Variants in SUMF1 observed in about 807,000 individuals in gnomAD.
SUMF1 encodes the protein formylglycine-generating enzyme.
In SUMF1, 48 loss-of-function variants were observed where a neutral mutation model predicts 47.6. That is an observed-to-expected ratio of 1.01 (90% CI 0.80 to 1.28). The LOEUF is 1.28. Ranked by LOEUF, SUMF1 falls within the 50% of genes most tolerant of loss-of-function variation. SUMF1 has a pLI of 0.00. For missense variants in SUMF1, 571 were observed against 485.4 expected, an observed-to-expected ratio of 1.18 and a Z score of -1.66; for synonymous variants, 230 against 192.1, an observed-to-expected ratio of 1.20 and a Z score of -1.63.
chr3:4,184,651 ATT>A (rs113449863), intron 8 of SUMF1, among the ~76,000 whole-genome samples: 3,906 of 134,954 alleles, frequency 0.029, 129 homozygotes, highest in African/African-American at 0.092. Flanking sequence ...ATTTCCCTGG[ATT>A]TTTTTTTTTT....
In SUMF1 at chr3:4,123,397, G is replaced by A. The variant is rs75280375; in HGVS notation, c.1015-54652C>T. Among the ~76,000 whole-genome samples the A allele has an allele frequency of 5.5e-3, 832 of 152,258 alleles. 10 individuals are homozygous for A. The highest frequency in any genetic ancestry group is 0.018 in the African/African-American group (735 of 41,526). On this transcript the variant is annotated intron_variant and NMD_transcript_variant, in intron 8 of 12. Coordinates refer to the SUMF1 transcript ENST00000448413. ...ACTTAACAAATATTGATGGAGGTCAGAATGAGAGGGAGTGTCTAGATGGCA... is the reference window on the plus strand; with the variant it reads ...ACTTAACAAATATTGATGGAGGTCAAAATGAGAGGGAGTGTCTAGATGGCA...
chr3:4,180,093 G>A (rs187862695), intron 8 of SUMF1, among the ~76,000 whole-genome samples: 4 of 152,204 alleles, frequency 2.6e-5, no homozygotes, highest in Non-Finnish European at 5.9e-5. Flanking sequence ...TACACTGTTG[G>A]TGGGAGTGTA....
At chr3:4,133,329 A>G (rs1321894857) in intron 8 of SUMF1, among the ~76,000 whole-genome samples, 2 of 152,148 alleles carry the variant, frequency 1.3e-5, no homozygotes, top group Admixed American at 6.5e-5. Context: ...TATTAGGCAT[A>G]ATTATGACCT....
At chr3:4,060,618 A>G (rs368644651) in intron 9 of SUMF1, among the ~76,000 whole-genome samples, 21 of 152,276 alleles carry the variant, frequency 1.4e-4, no homozygotes, top group East Asian at 1.4e-3. Context: ...GATTATTAAC[A>G]CTATGTGGAA....
At position 4,163,509 on chromosome 3, in the gene SUMF1, ATCTT is replaced by A. The variant is rs554303262; in HGVS notation, c.1015-94768_1015-94765del. Among the ~76,000 whole-genome samples, 287 of 106,124 alleles carry A rather than the reference ATCTT, an allele frequency of 2.7e-3. 3 individuals carry two copies. Among genetic ancestry groups the A allele is most frequent in the African/African-American group, 8.5e-3 (266 of 31,324 alleles). 69.6% of individuals were successfully genotyped at this position (106,124 alleles called of 152,430 possible). ...GTATCTCTCAAAGACCTATTACAGG[ATCTT>A]TCTTCTATCTCTTTGTTGATATTCT... On this transcript the variant is annotated intron_variant and NMD_transcript_variant, in intron 8 of 12. Coordinates refer to the SUMF1 transcript ENST00000448413.
chr3:4,312,712 A>T (rs980726439), intron 8 of SUMF1, among the ~76,000 whole-genome samples: 14 of 151,596 alleles, frequency 9.2e-5, no homozygotes, highest in Non-Finnish European at 2.1e-4. Context: ...TTAAAAAAAA[A>T]AAAAAAAAAC....
intron 8 of SUMF1, among the ~76,000 whole-genome samples, chr3:4,278,122 T>G (rs962855405): frequency 6.6e-6 from 1 of 152,048 alleles, no homozygotes; most frequent in African/African-American, 2.4e-5. Flanking sequence ...ACGTTTATTT[T>G]CTTAATATTT....
intron 8 of SUMF1, among the ~76,000 whole-genome samples, chr3:4,324,431 A>G (rs1384166701): frequency 6.6e-6 from 1 of 152,194 alleles, no homozygotes; most frequent in Non-Finnish European, 1.5e-5. Flanking sequence ...GTGACCTATG[A>G]GTTTTCTAAA....
intron 9 of SUMF1, among the ~76,000 whole-genome samples, chr3:4,048,225 C>T (rs553671348): frequency 6.6e-6 from 1 of 152,196 alleles, no homozygotes; most frequent in Admixed American, 6.5e-5. Context: ...CCAGAAAGAC[C>T]CATACTCGCC....
intron 2 of SUMF1, among the ~76,000 whole-genome samples, chr3:4,450,705 T>C (rs769878970): frequency 3.3e-5 from 5 of 152,018 alleles, no homozygotes; most frequent in Non-Finnish European, 7.3e-5. Flanking sequence ...CCTTGTAAGG[T>C]AGAGTGTCAT....
At chr3:4,040,928 GA>G (rs1694897328) in intron 9 of SUMF1, among the ~76,000 whole-genome samples, 1 of 152,210 alleles carries the variant, frequency 6.6e-6, no homozygotes, top group South Asian at 2.1e-4. Flanking sequence ...AGCAAAGCCA[GA>G]ACTATGTTAG....
chr3:4,280,172 C>T (rs1697498267), intron 8 of SUMF1, among the ~76,000 whole-genome samples: 1 of 152,106 alleles, frequency 6.6e-6, no homozygotes, highest in African/African-American at 2.4e-5. Context: ...GTATACATAT[C>T]TTAAAGCATC....
chr3:4,105,392 A>C (rs1425579405), intron 8 of SUMF1, among the ~76,000 whole-genome samples: 1 of 152,152 alleles, frequency 6.6e-6, no homozygotes, highest in Non-Finnish European at 1.5e-5. Flanking sequence ...ACAAAACTTA[A>C]GTTTTCTGCA....
intron 1 of SUMF1, among the ~76,000 whole-genome samples, chr3:4,453,781 G>A (rs1053442975): frequency 1.3e-5 from 2 of 151,796 alleles, no homozygotes; most frequent in African/African-American, 4.8e-5. Context: ...TGATCCACCC[G>A]CCTCGGCCTC....
At chr3:4,423,370 G>A (rs1701969192) in intron 3 of SUMF1, among the ~76,000 whole-genome samples, 1 of 151,736 alleles carries the variant, frequency 6.6e-6, no homozygotes, top group South Asian at 2.1e-4. Flanking sequence ...ACAGCAACCT[G>A]GATGGGATTG....
chr3:4,261,586 G>A (rs1697085771), intron 8 of SUMF1, among the ~76,000 whole-genome samples: 1 of 152,166 alleles, frequency 6.6e-6, no homozygotes, highest in Non-Finnish European at 1.5e-5. Flanking sequence ...GTTGGCTTAG[G>A]TGTCAACCAT....
Position 4,123,256 on chromosome 3 carries a change from C to T in SUMF1, c.1015-54511G>A, listed in dbSNP as rs986421776. On this transcript the variant is annotated intron_variant and NMD_transcript_variant, in intron 8 of 12. Coordinates refer to the SUMF1 transcript ENST00000448413. ...AGAACTAAATCTTCAGCATGAGGAC[C>T]GGTGTGTGGGAGTGATACCACAGCA... Among the ~76,000 whole-genome samples the T allele has an allele frequency of 3.9e-5, 6 of 152,114 alleles. No homozygotes were observed. The East Asian group carries it at 5.9e-4, about 15-fold the overall frequency.
intron 3 of SUMF1, among the ~76,000 whole-genome samples, chr3:4,428,359 C>CT (rs58545153): frequency 8.7e-5 from 13 of 149,026 alleles, no homozygotes; most frequent in African/African-American, 2.7e-4. Context: ...CTTCTTGTGC[C>CT]TTTTTTTTTC....
intron 8 of SUMF1, among the ~76,000 whole-genome samples, chr3:4,252,475 G>C (rs895589322): frequency 4.6e-5 from 7 of 152,098 alleles, no homozygotes; most frequent in African/African-American, 1.7e-4. Context: ...TTCACCGTTT[G>C]AGACTGCTGA....
Sources: allele counts gnomAD v4.1 joint callset (sites outside exome capture counted in the v4.1 genomes callset), GRCh38; gene constraint gnomAD v4.1.1; transcripts MANE v1.5; gene names NCBI Gene and HGNC (gene_info 2026-07-23, HGNC 2026-07-21).